The following TTC6 variants were observed in gnomAD, a reference collection of about 807,000 sequenced individuals.
TTC6 encodes tetratricopeptide repeat domain 6, also known as tetratricopeptide repeat protein 6.
Under a neutral mutation model 210.4 loss-of-function variants are expected in TTC6, and 172 were observed. The observed-to-expected ratio is 0.82, with a 90% CI of 0.72 to 0.93. TTC6 has a LOEUF of 0.93. Ranked by LOEUF, TTC6 falls within the 40% of genes least tolerant of loss-of-function variation. TTC6 has a pLI of 0.00. For synonymous variants in TTC6, 804 were observed against 819.6 expected (o/e 0.98, Z 0.32); for missense variants, 2,414 against 2,318.1 (o/e 1.04, Z -0.85).
At position 37,626,270 on chromosome 14, in the gene TTC6, G is replaced by T. The variant is rs192736896; in HGVS notation, c.939+3267G>T. Among the ~76,000 whole-genome samples the T allele has an allele frequency of 2.4e-3, 358 of 152,280 alleles. 2 individuals are homozygous for T. Among genetic ancestry groups the T allele is most frequent in the African/African-American group, 8.0e-3 (333 of 41,546 alleles). On this transcript the variant is annotated intron_variant, in intron 1 of 30. Transcript: ENST00000553443. ...TACATTCTAATTACATGTGGCTGGGGTTCACAGACCACTTTCCAGATGTTA... is the reference window on the plus strand; with the variant it reads ...TACATTCTAATTACATGTGGCTGGGTTTCACAGACCACTTTCCAGATGTTA...
intron 14 of TTC6, among the ~76,000 whole-genome samples, chr14:37,770,533 A>G (rs879179242): frequency 6.6e-6 from 1 of 151,786 alleles, no homozygotes; most frequent in African/African-American, 2.4e-5. Flanking sequence ...CTTCTTGTTG[A>G]AGTGATCCCT....
chr14:37,607,943 C>G (rs1998359), intron 2 of TTC6, among the ~76,000 whole-genome samples: 30,290 of 152,168 alleles, frequency 0.2, 3,381 homozygotes, highest in South Asian at 0.26. Context: ...CATGCACATA[C>G]TCTTACTAAC....
chr14:37,661,145 A>G (rs1488845115), intron 1 of TTC6, among the ~76,000 whole-genome samples: 1 of 151,948 alleles, frequency 6.6e-6, no homozygotes, highest in Non-Finnish European at 1.5e-5. Context: ...TTGCCTGTTC[A>G]CTCTGATGAC....
intron 5 of TTC6, among the ~76,000 whole-genome samples, chr14:37,704,864 T>C (rs1019485158): frequency 2.0e-5 from 3 of 152,152 alleles, no homozygotes; most frequent in Non-Finnish European, 2.9e-5. Context: ...TTAATCCATT[T>C]GTAATTTATT....
At chr14:37,624,852 A>G (rs990132001) in intron 1 of TTC6, among the ~76,000 whole-genome samples, 1 of 151,834 alleles carries the variant, frequency 6.6e-6, no homozygotes, top group East Asian at 2.0e-4. Flanking sequence ...CGATCTCCTG[A>G]CCTCGTGATC....
chr14:37,639,054 A>G lies in TTC6; in HGVS notation c.939+16051A>G, dbSNP rs2095686468. 2.0e-5 allele frequency among the ~76,000 whole-genome samples: 3 copies of G among 152,204 alleles called. No homozygotes were observed. The South Asian group carries it at 6.2e-4, about 31-fold the overall frequency. ...AAAATAAGAACATACTATACATATT[A>G]TTCTGCAACTAACTTTTTGGTACAT... On this transcript the variant is annotated intron_variant, in intron 1 of 30. Coordinates refer to ENST00000553443, the Ensembl canonical transcript of TTC6.
At chr14:37,825,126 C>T (rs77720149) in intron 27 of TTC6, among the ~76,000 whole-genome samples, 1,947 of 152,204 alleles carry the variant, frequency 0.013, 46 homozygotes, top group African/African-American at 0.044. Flanking sequence ...GTTTGTTCAA[C>T]AAATACTTAC....
chr14:37,782,797 G>A lies in TTC6; in HGVS notation c.3267-4671G>A, dbSNP rs183929481. ...AATGGCTCTTATTATTTTGAGATAC[G>A]TCCCATCAATATCTAATTTATTTAG... On this transcript the variant is annotated intron_variant, in intron 14 of 30. Transcript: ENST00000553443. Among the ~76,000 whole-genome samples, 608 of 152,150 alleles carry A rather than the reference G, an allele frequency of 4.0e-3. 2 individuals carry two copies. Among genetic ancestry groups the A allele is most frequent in the Non-Finnish European group, 5.8e-3 (393 of 68,006 alleles).
rs535099131 is a variant in TTC6, at chr14:37,651,897, A to G, written c.940-28254A>G. 2.6e-5 allele frequency among the ~76,000 whole-genome samples: 4 copies of G among 152,298 alleles called. No homozygotes were observed. In the East Asian group the frequency reaches 7.7e-4, roughly 29 times the overall value. On this transcript the variant is annotated intron_variant, in intron 1 of 30. Transcript: ENST00000553443. ...GCTGGAGAGGCAGGCAGTGGTCAAC[A>G]TGTGGCCATGGAAAATAGTTTAGGT... is the stretch of plus-strand genomic sequence containing the variant.
chr14:37,782,958 T>G (rs572039486), intron 14 of TTC6, among the ~76,000 whole-genome samples: 1 of 152,328 alleles, frequency 6.6e-6, no homozygotes, highest in African/African-American at 2.4e-5. Flanking sequence ...TGAATCAGCC[T>G]TGCATCCCAG....
In TTC6 at chr14:37,672,583, A is replaced by G. The variant is rs538153113; in HGVS notation, c.940-7568A>G. Among the ~76,000 whole-genome samples the G allele has an allele frequency of 3.3e-5, 5 of 152,298 alleles. No homozygotes were observed. The South Asian group carries it at 1.0e-3, about 32-fold the overall frequency. On this transcript the variant is annotated intron_variant, in intron 1 of 30. Transcript: ENST00000553443. ...TTGGTACATAATTCAAAGGGATGTC[A>G]TACTTGAAATATCAGATGCTATAAC...
exon 23 of TTC6, chr14:37,807,349 T>G (rs754179627): frequency 6.5e-6 from 10 of 1,530,388 alleles, no homozygotes; most frequent in Middle Eastern, 1.7e-4. Context: ...CATTCTATGG[T>G]TTAAAAGGCA....
At chr14:37,642,797 C>T (rs1225697488) in intron 1 of TTC6, among the ~76,000 whole-genome samples, 2 of 152,170 alleles carry the variant, frequency 1.3e-5, no homozygotes, top group Admixed American at 6.5e-5. Context: ...GCCTGTTGCT[C>T]CTAGACTACA....
chr14:37,743,309 C>G (rs1316176667), intron 10 of TTC6, among the ~76,000 whole-genome samples: 3 of 102,830 alleles, frequency 2.9e-5, no homozygotes, highest in Non-Finnish European at 4.3e-5. Context: ...TTTCAGTGAT[C>G]TGGGACTATA....
chr14:37,809,872 T>C (rs1231011058), intron 24 of TTC6, among the ~76,000 whole-genome samples: 2 of 152,158 alleles, frequency 1.3e-5, no homozygotes, highest in Admixed American at 6.5e-5. Context: ...TCTTTCAGTG[T>C]AGTGTCCCAT....
At chr14:37,810,454 AG>A (rs1374249659) in intron 24 of TTC6, among the ~76,000 whole-genome samples, 5 of 152,248 alleles carry the variant, frequency 3.3e-5, no homozygotes, top group Admixed American at 2.0e-4. Context: ...CAGAGCTGCC[AG>A]GACTCTGAAG....
rs1195776752 is a variant in TTC6, at chr14:37,598,125, T to A, written c.-235+2117T>A. Among the ~76,000 whole-genome samples the A allele has an allele frequency of 6.6e-6, 1 of 152,210 alleles. No individual in the cohort carries two copies. The highest frequency in any genetic ancestry group is 1.5e-5 in the Non-Finnish European group (1 of 68,038). On this transcript the variant is annotated intron_variant, in intron 1 of 2. Transcript: ENST00000556845. This position sits in a 1 kb window ranked among gnomAD's most constrained non-coding sequence, Gnocchi z 4.9. Reference sequence around the variant, plus strand: ...GTCCAGCGGCTGCAGCCTGCTCTTTTCCAACCTCTTTTCCCAAATAGGCAC... The same window carrying A: ...GTCCAGCGGCTGCAGCCTGCTCTTTACCAACCTCTTTTCCCAAATAGGCAC...
intron 6 of TTC6, among the ~76,000 whole-genome samples, chr14:37,721,269 T>C (rs1430744782): frequency 6.6e-6 from 1 of 152,198 alleles, no homozygotes; most frequent in Non-Finnish European, 1.5e-5. Flanking sequence ...CTTTTACTCA[T>C]GGATTATTTC....
chr14:37,679,236 T>G (rs989520519), intron 1 of TTC6, among the ~76,000 whole-genome samples: 1 of 151,870 alleles, frequency 6.6e-6, no homozygotes, highest in Non-Finnish European at 1.5e-5. Flanking sequence ...AAAAAAGTCA[T>G]GTAGTTGAAT....
Sources: gnomAD v4.1 joint callset for allele counts (sites outside exome capture counted in the v4.1 genomes callset) on GRCh38, gnomAD v4.1.1 for gene constraint, Gnocchi (gnomAD v3.1) non-coding constraint, MANE v1.5 for transcripts, NCBI Gene and HGNC (gene_info 2026-07-23, HGNC 2026-07-21) for gene names.